DHX37: variants seen among roughly 807,000 people sequenced by gnomAD.
The protein encoded by DHX37 is probable ATP-dependent RNA helicase DHX37.
A neutral mutation model predicts 134.3 loss-of-function variants in DHX37; 52 were observed. The observed-to-expected ratio is 0.39, with a 90% CI of 0.31 to 0.49. The LOEUF (loss-of-function observed/expected upper bound fraction) is 0.49, where lower values mean the gene tolerates loss of function less well. DHX37 is among the 20% of genes least tolerant of loss of function. DHX37 has a pLI of 0.93. For synonymous variants in DHX37, 634 were observed against 670.7 expected, an observed-to-expected ratio of 0.95 and a Z score of 0.85; for missense variants, 1,344 against 1,580.8, an observed-to-expected ratio of 0.85 and a Z score of 2.54.
At chr12:124,970,070 T>C (rs139888753) in intron 8 of DHX37, among the ~76,000 whole-genome samples, 4,103 of 152,332 alleles carry the variant, frequency 0.027, 86 homozygotes, top group Middle Eastern at 0.082. Context: ...CCCGCTGGGT[T>C]CAAGTGATTC....
chr12:124,948,987 C>A (rs1160585939), intron 25 of DHX37, among the ~76,000 whole-genome samples: 1 of 152,214 alleles, frequency 6.6e-6, no homozygotes, highest in East Asian at 1.9e-4. Context: ...TCATCTAGAA[C>A]CTTCCTCCAG....
Position 124,950,116 on chromosome 12 carries a change from G to A in DHX37, c.3216+33C>T, listed in dbSNP as rs757365845. On this transcript the variant is annotated intron_variant, in intron 24 of 26. Transcript: ENST00000308736. ...CGGGCTGCTGCTGCCCACGGTACCC[G>A]AGATGAGGGTCTGGAGCCGCTGTGC... 3.2e-5 allele frequency: 52 copies of A among 1,613,692 alleles called. No individual in the cohort carries two copies. The Admixed American group carries it at 6.2e-4, about 19-fold the overall frequency.
In DHX37 at chr12:124,948,075, C is replaced by A; in HGVS notation, c.3388+9G>T. ...TCTACTCCCACCCCCTGGCCCTGGT[C>A]AAACTCACATTTGGGGTTTTTCTTC... On this transcript the variant is annotated intron_variant, in intron 26 of 26. Transcript: ENST00000308736. 1 of 1,614,254 alleles carries A rather than the reference C, an allele frequency of 6.2e-7. No individual in the cohort carries two copies. Among genetic ancestry groups the A allele is most frequent in the South Asian group, 1.1e-5 (1 of 91,084 alleles).
chr12:124,981,381 C>T (rs1221306583), intron 3 of DHX37, among the ~76,000 whole-genome samples: 1 of 152,134 alleles, frequency 6.6e-6, no homozygotes, highest in Admixed American at 6.5e-5. Flanking sequence ...GCACACAGGC[C>T]ATTTAAGGGT....
rs1953896835 is a variant in DHX37 at position 124,947,387 on chromosome 12, C to G, written c.*415G>C. Reference sequence around the variant, plus strand: ...GGCTGTGAGGCCAGGGCTGGGCAGCCCTCCCTGACTCTGGAGAGGGAAGAA... The same window carrying G: ...GGCTGTGAGGCCAGGGCTGGGCAGCGCTCCCTGACTCTGGAGAGGGAAGAA... On this transcript the variant is annotated 3_prime_UTR_variant, in exon 27 of 27. Coordinates refer to ENST00000308736, the MANE Select transcript of DHX37 (RefSeq NM_032656.4). 6.2e-6 allele frequency: 1 copy of G among 160,170 alleles called. No homozygotes were observed. Among genetic ancestry groups the G allele is most frequent in the Admixed American group, 6.3e-5 (1 of 15,788 alleles). 9.9% of individuals were successfully genotyped at this position (160,170 alleles called of 1,614,324 possible). A position where few individuals can be genotyped will look rare whatever the true frequency, so the allele number is the denominator to read the frequency against.
In DHX37 at chr12:124,977,556, A is replaced by C. The variant is rs1046383701; in HGVS notation, c.739-66T>G. 2.0e-6 allele frequency: 3 copies of C among 1,488,354 alleles called. No homozygotes were observed. In the Admixed American group the frequency reaches 7.4e-5, roughly 37 times the overall value. The allele number at this position is 1,488,354 out of a possible 1,614,324, so 92.2% of individuals were successfully genotyped here. On this transcript the variant is annotated intron_variant, in intron 4 of 26. Coordinates refer to ENST00000308736, the MANE Select transcript of DHX37 (RefSeq NM_032656.4). ...TATAGACAGTGATGGGACCTCCAGGAAGGTGGCAGCTGACACATGGGTGCT... is the reference window on the plus strand; with the variant it reads ...TATAGACAGTGATGGGACCTCCAGGCAGGTGGCAGCTGACACATGGGTGCT...
Position 124,986,337 on chromosome 12 carries a change from G to A in DHX37, c.107-72C>T, listed in dbSNP as rs1245870478. The A allele has an allele frequency of 1.2e-5, 19 of 1,544,644 alleles. No homozygotes were observed. The East Asian group carries it at 3.6e-4, about 29-fold the overall frequency. ...TGGTCCCGCCTCCCACAAGCCCCCTGACTTGCATGGGGGCCTCCTGAGTCT... is the reference window on the plus strand; with the variant it reads ...TGGTCCCGCCTCCCACAAGCCCCCTAACTTGCATGGGGGCCTCCTGAGTCT... On this transcript the variant is annotated intron_variant, in intron 1 of 26. Coordinates refer to ENST00000308736, the MANE Select transcript of DHX37 (RefSeq NM_032656.4).
chr12:124,952,879 A>C (rs746630351), intron 20 of DHX37: 14 of 214,022 alleles, frequency 6.5e-5, no homozygotes, highest in Admixed American at 1.2e-4. Context: ...CATGATGTGA[A>C]GAAGGAAGTT....
chr12:124,958,553 C>CT (rs1177035078), intron 16 of DHX37, among the ~76,000 whole-genome samples: 13 of 152,236 alleles, frequency 8.5e-5, no homozygotes, highest in African/African-American at 2.4e-4. Context: ...TAACTCCCTC[C>CT]TAGAGTGGCT....
intron 15 of DHX37, 27 bp from the exon 16 acceptor site, chr12:124,960,450 A>G: frequency 6.2e-7 from 1 of 1,602,340 alleles, no homozygotes; most frequent in Non-Finnish European, 8.5e-7. Flanking sequence ...CGGGACAACA[A>G]ACACAAAACT....
chr12:124,975,114 C>A (rs1483784749), intron 6 of DHX37, among the ~76,000 whole-genome samples: 1 of 152,182 alleles, frequency 6.6e-6, no homozygotes, highest in Non-Finnish European at 1.5e-5. Context: ...TTAGATTAAC[C>A]CGGCAATGCT....
intron 4 of DHX37, among the ~76,000 whole-genome samples, chr12:124,979,620 C>T (rs1471751058): frequency 6.6e-6 from 1 of 152,128 alleles, no homozygotes; most frequent in African/African-American, 2.4e-5. Flanking sequence ...GGCAAACCTA[C>T]GGTATGTATT....
At chr12:124,978,793 A>G (rs1954698285) in intron 4 of DHX37, among the ~76,000 whole-genome samples, 1 of 151,588 alleles carries the variant, frequency 6.6e-6, no homozygotes, top group South Asian at 2.1e-4. Context: ...TTAGCCAGGC[A>G]TGGTGGCACA....
intron 16 of DHX37, among the ~76,000 whole-genome samples, chr12:124,958,630 T>C (rs1376306542): frequency 1.3e-5 from 2 of 152,136 alleles, no homozygotes; most frequent in Non-Finnish European, 2.9e-5. Flanking sequence ...GATTCTTTTT[T>C]TTCTTTTTTT....
Position 124,954,255 on chromosome 12 carries a change from C to T in DHX37, c.2454-44G>A, listed in dbSNP as rs781259803. On this transcript the variant is annotated intron_variant, in intron 18 of 26. Transcript: ENST00000308736. ...ACTGTCTGGGCTGGGGCCTCGGCTG[C>T]GCTCAGGGCCTCAGCGGGGGGAACT... 75 of 1,522,410 alleles carry T rather than the reference C, an allele frequency of 4.9e-5. No individual in the cohort carries two copies. In the African/African-American group the frequency reaches 8.5e-4, roughly 17 times the overall value. 94.3% of individuals were successfully genotyped at this position (1,522,410 alleles called of 1,614,324 possible). A position where few individuals can be genotyped will look rare whatever the true frequency, so the allele number is the denominator to read the frequency against.
At chr12:124,988,063 G>T (rs1241877845) in intron 1 of DHX37, among the ~76,000 whole-genome samples, 1 of 144,406 alleles carries the variant, frequency 6.9e-6, no homozygotes, top group African/African-American at 2.6e-5. Context: ...GTGCGATCTT[G>T]GCTCACTGCA....
In DHX37 at chr12:124,964,536, C is replaced by A. The variant is rs756319573; in HGVS notation, c.1903G>T (p.Val635Leu). The A allele has an allele frequency of 6.2e-7, 1 of 1,613,878 alleles. No homozygotes were observed. The highest frequency in any genetic ancestry group is 2.2e-5 in the East Asian group (1 of 44,884). ...TSLTIPGIKY[V>L]VDCGKVKKRY... is the part of the protein sequence containing the mutation. ...TTCTTGACCTTCCCACAGTCCACCA[C>A]GTACTTGATGCCAGGGATGGTAAGC... Residue 635 changes from valine to leucine, a missense_variant, in exon 15 of 27, where the codon GTG (valine) becomes TTG (leucine). Transcript: ENST00000308736.
intron 20 of DHX37, 71 bp from the exon 21 acceptor site, chr12:124,952,641 A>G: frequency 6.8e-7 from 1 of 1,461,100 alleles, no homozygotes; most frequent in Non-Finnish European, 9.1e-7. Flanking sequence ...ACCTCCTAGA[A>G]AGTCCCAACC....
chr12:124,966,075 G>A (rs1317279483), intron 12 of DHX37, among the ~76,000 whole-genome samples: 4 of 152,214 alleles, frequency 2.6e-5, no homozygotes, highest in African/African-American at 4.8e-5. Context: ...CTGACACATC[G>A]GTAGTGCAAC....
Sources: allele counts gnomAD v4.1 joint callset (sites outside exome capture counted in the v4.1 genomes callset), GRCh38; gene constraint gnomAD v4.1.1; transcripts MANE v1.5; gene names NCBI Gene and HGNC (gene_info 2026-07-23, HGNC 2026-07-21).